SEL1L3: variants seen among roughly 807,000 people sequenced by gnomAD.
SEL1L3 encodes protein sel-1 homolog 3.
SEL1L3 carries 76 observed loss-of-function variants against 142.8 expected under a neutral mutation model. The observed-to-expected ratio is 0.53, with a 90% CI of 0.44 to 0.64. The LOEUF (loss-of-function observed/expected upper bound fraction) is 0.64. Among genes scored for constraint, SEL1L3 ranks in the 30% least tolerant of loss-of-function variants. SEL1L3 has a pLI of 0.00. For missense variants in SEL1L3, 1,262 were observed against 1,381.7 expected (o/e 0.91, Z 1.37); for synonymous variants, 504 against 519.6 (o/e 0.97, Z 0.41).
chr4:25,787,954 A>G (rs556104964), intron 13 of SEL1L3, among the ~76,000 whole-genome samples: 17 of 152,366 alleles, frequency 1.1e-4, no homozygotes, highest in Non-Finnish European at 2.5e-4. Flanking sequence ...GCCAATCAAT[A>G]AAATACGGGT....
Position 25,804,765 on chromosome 4 carries a change from C to G in SEL1L3, c.1565-13G>C. The G allele has an allele frequency of 1.3e-6, 2 of 1,549,052 alleles. No individual in the cohort carries two copies. The highest frequency in any genetic ancestry group is 1.8e-6 in the Non-Finnish European group (2 of 1,122,060). On this transcript the variant is annotated splice_polypyrimidine_tract_variant and intron_variant, in intron 9 of 23. Transcript: ENST00000399878. ...TGGTTCCTTGGCACTGTAAATAACA[C>G]AATTCAGAGCACACACAATTAATTA...
the SEL1L3 span, among the ~76,000 whole-genome samples, chr4:25,727,955 G>T: frequency 6.6e-6 from 1 of 152,172 alleles, no homozygotes; most frequent in African/African-American, 2.4e-5. Context: ...TGGCTGAGCG[G>T]CTTGGCCACA....
At chr4:25,815,885 T>C (rs910153664) in intron 9 of SEL1L3, among the ~76,000 whole-genome samples, 5 of 150,226 alleles carry the variant, frequency 3.3e-5, no homozygotes. Context: ...GTGCTTTTGG[T>C]ATCTAGTTGT....
chr4:25,861,272 T>G (rs1351689842), intron 1 of SEL1L3, among the ~76,000 whole-genome samples: 2 of 152,174 alleles, frequency 1.3e-5, no homozygotes, highest in Non-Finnish European at 2.9e-5. Context: ...TAATAATATC[T>G]CTTGGGCAAA....
intron 15 of SEL1L3, among the ~76,000 whole-genome samples, chr4:25,781,143 C>A (rs141911832): frequency 1.5e-3 from 223 of 152,206 alleles, no homozygotes; most frequent in Non-Finnish European, 2.5e-3. Flanking sequence ...CCACTCTCAG[C>A]CCTCCTGAAC....
chr4:25,850,727 T>C (rs1487671929), intron 1 of SEL1L3, among the ~76,000 whole-genome samples: 1 of 152,210 alleles, frequency 6.6e-6, no homozygotes, highest in Non-Finnish European at 1.5e-5. Flanking sequence ...CATCCACTCA[T>C]GGAGTACCAT....
chr4:25,777,369 A>G (rs908471440), intron 16 of SEL1L3, among the ~76,000 whole-genome samples: 3 of 152,174 alleles, frequency 2.0e-5, no homozygotes, highest in Non-Finnish European at 2.9e-5. Flanking sequence ...AAAGAGAGGT[A>G]GGTAAGTCCA....
At chr4:25,750,427 T>A (rs1717520360) in intron 23 of SEL1L3, among the ~76,000 whole-genome samples, 1 of 152,034 alleles carries the variant, frequency 6.6e-6, no homozygotes, top group African/African-American at 2.4e-5. Flanking sequence ...ACTGACCAGA[T>A]GGAAGCAAAA....
At chr4:25,843,646 T>C (rs989191400) in intron 2 of SEL1L3, among the ~76,000 whole-genome samples, 3 of 152,230 alleles carry the variant, frequency 2.0e-5, no homozygotes, top group East Asian at 1.9e-4. Flanking sequence ...AGTCTGCCTA[T>C]GGCTACATAT....
chr4:25,811,466 T>C (rs931939316), intron 9 of SEL1L3, among the ~76,000 whole-genome samples: 3 of 151,284 alleles, frequency 2.0e-5, no homozygotes, highest in African/African-American at 4.9e-5. Context: ...AGTAAGTCCA[T>C]AGAACTCTTA....
At chr4:25,790,434 G>A in intron 12 of SEL1L3, 21 bp downstream of exon 12, 1 of 1,612,940 alleles carries the variant, frequency 6.2e-7, no homozygotes, top group Non-Finnish European at 8.5e-7. Flanking sequence ...GAATCCCCAA[G>A]ACAGTAGCCT....
At position 25,747,537 on chromosome 4, in the gene SEL1L3, C is replaced by T. The variant is rs1366111359; in HGVS notation, c.*888G>A. The T allele has an allele frequency of 1.3e-5, 2 of 151,886 alleles. No homozygotes were observed. Among genetic ancestry groups the T allele is most frequent in the African/African-American group, 4.8e-5 (2 of 41,326 alleles). The allele number at this position is 151,886 out of a possible 1,614,324, so 9.4% of individuals were successfully genotyped here. On this transcript the variant is annotated 3_prime_UTR_variant, in exon 24 of 24. Coordinates refer to ENST00000399878, the MANE Select transcript of SEL1L3 (RefSeq NM_015187.5). ...ACTGATTTATTCACTACCTTAGCAG[C>T]ATGTAGTATACAGACATTCTGCTCT...
At chr4:25,819,737 T>G (rs2109256956) in intron 8 of SEL1L3, 71 bp downstream of exon 8, 1 of 1,459,016 alleles carries the variant, frequency 6.9e-7, no homozygotes, top group Non-Finnish European at 9.3e-7. Context: ...AATCCTGTTA[T>G]GGAGAAGCCA....
intron 11 of SEL1L3, among the ~76,000 whole-genome samples, chr4:25,795,180 G>C (rs967744102): frequency 6.6e-6 from 1 of 152,198 alleles, no homozygotes; most frequent in African/African-American, 2.4e-5. Flanking sequence ...CAACCTTCAC[G>C]TCCTGCACCT....
At chr4:25,763,602 C>T (rs1391501857) in intron 20 of SEL1L3, among the ~76,000 whole-genome samples, 3 of 152,148 alleles carry the variant, frequency 2.0e-5, no homozygotes, top group Non-Finnish European at 2.9e-5. Flanking sequence ...AATCCCAGCA[C>T]CTTGGGAGGC....
intron 20 of SEL1L3, among the ~76,000 whole-genome samples, chr4:25,763,158 G>T: frequency 6.7e-6 from 1 of 149,414 alleles, no homozygotes; most frequent in African/African-American, 2.5e-5. Context: ...TGTAACATTG[G>T]CTTCCCAAAC....
At chr4:25,718,993 A>G in the SEL1L3 span, 1 of 152,170 alleles carries the variant, frequency 6.6e-6, no homozygotes, top group African/African-American at 2.4e-5. Context: ...CCTGACCAAC[A>G]TGAAGAAACC....
intron 13 of SEL1L3, among the ~76,000 whole-genome samples, chr4:25,786,070 G>A (rs1711804633): frequency 6.6e-6 from 1 of 152,172 alleles, no homozygotes; most frequent in African/African-American, 2.4e-5. Context: ...TAAGTACTCA[G>A]TAACTATCCA....
In SEL1L3 at chr4:25,835,410, G is replaced by A. The variant is rs1211119233; in HGVS notation, c.734-87C>T. 9.0e-6 allele frequency: 13 copies of A among 1,448,462 alleles called. No homozygotes were observed. In the African/African-American group the frequency reaches 9.9e-5, roughly 11 times the overall value. 89.7% of individuals were successfully genotyped at this position (1,448,462 alleles called of 1,614,324 possible). A position where few individuals can be genotyped will look rare whatever the true frequency, so the allele number is the denominator to read the frequency against. On this transcript the variant is annotated intron_variant, in intron 2 of 23. Coordinates refer to ENST00000399878, the MANE Select transcript of SEL1L3 (RefSeq NM_015187.5). ...CATTCATCCTGAAAGCCTCTGCTGA[G>A]CTCCAATCAAACATTTAAGTGAGAT...
Sources: allele counts gnomAD v4.1 joint callset (sites outside exome capture counted in the v4.1 genomes callset), GRCh38; gene constraint gnomAD v4.1.1; transcripts MANE v1.5; gene names NCBI Gene and HGNC (gene_info 2026-07-23, HGNC 2026-07-21).